Variants in DHX37 observed in about 807,000 individuals in gnomAD.
The protein encoded by DHX37 is probable ATP-dependent RNA helicase DHX37.
Under a neutral mutation model 134.3 loss-of-function variants are expected in DHX37, and 52 were observed. That is an observed-to-expected ratio of 0.39 (90% confidence interval 0.31 to 0.49). The LOEUF (loss-of-function observed/expected upper bound fraction) is 0.49. DHX37 is among the 20% of genes least tolerant of loss of function. The pLI is 0.93. For synonymous variants in DHX37, 634 were observed against 670.7 expected, an observed-to-expected ratio of 0.95 and a Z score of 0.85; for missense variants, 1,344 against 1,580.8, an observed-to-expected ratio of 0.85 and a Z score of 2.54.
intron 15 of DHX37, among the ~76,000 whole-genome samples, chr12:124,961,264 A>ACATACACGCGTTCACGCACACACACACT (rs529082353): frequency 8.0e-6 from 1 of 125,128 alleles, no homozygotes; most frequent in Admixed American, 7.2e-5. Flanking sequence ...ACGCACACAC[A>ACATACACGCGTTCACGCACACACACACT]TACACGCGTG....
chr12:124,959,022 G>C (rs1054403308), intron 16 of DHX37, among the ~76,000 whole-genome samples: 4 of 134,610 alleles, frequency 3.0e-5, no homozygotes, highest in Non-Finnish European at 4.5e-5. Context: ...TGATTCTCCT[G>C]CCTCAGCCTC....
Position 124,964,630 on chromosome 12 carries a change from G to C in DHX37, c.1813-4C>G. The C allele has an allele frequency of 6.2e-7, 1 of 1,606,586 alleles. No homozygotes were observed. The highest frequency in any genetic ancestry group is 8.5e-7 in the Non-Finnish European group (1 of 1,178,384). Reference sequence around the variant, plus strand: ...CCTCCGGTGGAGGCTTAAAGACCTAGGATTCGGGGAAGGGATGGCAGGAAA... The same window carrying C: ...CCTCCGGTGGAGGCTTAAAGACCTACGATTCGGGGAAGGGATGGCAGGAAA... On this transcript the variant is annotated splice_region_variant and splice_polypyrimidine_tract_variant and intron_variant, in intron 14 of 26. Transcript: ENST00000308736.
Position 124,953,977 on chromosome 12 carries a change from C to G in DHX37, c.2598G>C (p.Glu866Asp), listed in dbSNP as rs4258464. 1 of 1,612,628 alleles carries G rather than the reference C, an allele frequency of 6.2e-7. No individual in the cohort carries two copies. The highest frequency in any genetic ancestry group is 2.2e-5 in the East Asian group (1 of 44,812). ...MVLLGAVGAC[E>D]YASCTPQFCE... The stretch of plus-strand genomic sequence containing the variant: ...AAAACTGGGGTGTGCAGCTGGCATA[C>G]TCACAGGCTCCCACGGCGCCTGGGG... The change falls in exon 20 of 27, where the codon GAG becomes GAC. Residue 866 changes from glutamate to aspartate, a missense_variant. By Grantham distance (45) the Glu-to-Asp change is conservative. Around this residue, in one of 7 missense-constraint regions of DHX37, gnomAD observed 558 missense variants for 650.0 expected, o/e 0.86. Transcript: ENST00000308736.
intron 2 of DHX37, among the ~76,000 whole-genome samples, chr12:124,985,149 G>A (rs1178893611): frequency 6.6e-6 from 1 of 152,178 alleles, no homozygotes; most frequent in African/African-American, 2.4e-5. Flanking sequence ...GGCCTCCTAA[G>A]CTGGGAAGGA....
chr12:124,986,019 C>A (rs1954864378), intron 2 of DHX37, 77 bp downstream of exon 2: 3 of 1,565,470 alleles, frequency 1.9e-6, no homozygotes, highest in South Asian at 2.3e-5. Flanking sequence ...CACAGAGACA[C>A]CCTCAGGAGG....
chr12:124,951,094 T>G (rs1447489484), intron 21 of DHX37, among the ~76,000 whole-genome samples: 1 of 152,002 alleles, frequency 6.6e-6, no homozygotes, highest in Non-Finnish European at 1.5e-5. Context: ...GGTTTCACCA[T>G]GTTGGTGAAA....
At chr12:124,950,296 G>C (rs1484463558) in intron 23 of DHX37, 53 bp from the exon 24 acceptor site, 20 of 1,609,190 alleles carry the variant, frequency 1.2e-5, no homozygotes, top group Non-Finnish European at 1.7e-5. Flanking sequence ...GCCCTCCCGA[G>C]TCCCATCCCT....
rs948686118 is a variant in DHX37, at chr12:124,949,248, G to A, written c.3290+738C>T. 1.3e-5 allele frequency among the ~76,000 whole-genome samples: 2 copies of A among 152,180 alleles called. No individual in the cohort carries two copies. The highest frequency in any genetic ancestry group is 2.9e-5 in the Non-Finnish European group (2 of 68,030). ...ACACGGCTCCTGACAGCCCAGCAGC[G>A]GGTGCTGTGCCCCACGCCCCATCTC... On this transcript the variant is annotated intron_variant, in intron 25 of 26. Coordinates refer to ENST00000308736, the MANE Select transcript of DHX37 (RefSeq NM_032656.4). The surrounding 1 kb of genome is among the most constrained non-coding windows in gnomAD (Gnocchi z 4.0).
intron 3 of DHX37, among the ~76,000 whole-genome samples, chr12:124,981,847 G>T (rs746120936): frequency 2.0e-5 from 3 of 151,932 alleles, no homozygotes; most frequent in African/African-American, 7.2e-5. Flanking sequence ...AAACCAGTCG[G>T]GCGCGGTGGC....
rs374116868 is a variant in DHX37, at chr12:124,976,057, G to A, written c.888-546C>T. Among the ~76,000 whole-genome samples the A allele has an allele frequency of 3.2e-4, 49 of 152,314 alleles. 1 individual carries two copies. Among genetic ancestry groups the A allele is most frequent in the South Asian group, 1.4e-3 (7 of 4,830 alleles). On this transcript the variant is annotated intron_variant, in intron 5 of 26. Coordinates refer to ENST00000308736, the MANE Select transcript of DHX37 (RefSeq NM_032656.4). ...TTTCCTTTTAGGCGTCTAGGATTTC[G>A]TTCCTGCCAGGCAGGGTGGGCTTAG...
intron 15 of DHX37, among the ~76,000 whole-genome samples, 198 bp downstream of exon 15, chr12:124,964,195 CA>C (rs397692928): frequency 3.8e-3 from 219 of 57,460 alleles, no homozygotes; most frequent in Middle Eastern, 0.023. Flanking sequence ...AACTCCATCT[CA>C]AAAAAAAAAA....
intron 16 of DHX37, among the ~76,000 whole-genome samples, chr12:124,958,556 G>C (rs1178168705): frequency 6.6e-6 from 1 of 152,136 alleles, no homozygotes; most frequent in Admixed American, 6.5e-5. Flanking sequence ...CTCCCTCCTA[G>C]AGTGGCTGGG....
rs4765007 is a variant in DHX37, at chr12:124,960,429, T to C, written c.2046-6A>G. The C allele has an allele frequency of 0.47, 756,863 of 1,613,002 alleles. 182,269 individuals carry two copies. Among genetic ancestry groups the C allele is most frequent in the East Asian group, 0.8 (35,854 of 44,846 alleles). ...AAACCGCAGATGAATACAGCCTGGA[T>C]GGAGAGAAACCGGGACAACAAACAC... On this transcript the variant is annotated splice_region_variant and splice_polypyrimidine_tract_variant and intron_variant, in intron 15 of 26. Transcript: ENST00000308736.
rs1954541066 is a variant in DHX37 at position 124,972,434 on chromosome 12, A to C, written c.1077+69T>G. On this transcript the variant is annotated intron_variant, in intron 7 of 26. Coordinates refer to ENST00000308736, the MANE Select transcript of DHX37 (RefSeq NM_032656.4). The stretch of plus-strand genomic sequence containing the variant: ...GTGGCTTGCCGGCTGCTCATATCCC[A>C]GGTGACATCCTAGCATCCCGCCCCC... 3 of 1,539,528 alleles carry C rather than the reference A, an allele frequency of 1.9e-6. No individual in the cohort carries two copies. In the Admixed American group the frequency reaches 5.0e-5, roughly 26 times the overall value.
intron 18 of DHX37, among the ~76,000 whole-genome samples, chr12:124,955,606 C>T (rs1427836602): frequency 1.3e-5 from 2 of 152,222 alleles, no homozygotes; most frequent in East Asian, 3.8e-4. Flanking sequence ...CCACCATGCC[C>T]GGCTAAAGCT....
chr12:124,986,289 C>T, intron 1 of DHX37, 24 bp from the exon 2 acceptor site: 1 of 1,609,646 alleles, frequency 6.2e-7, no homozygotes, highest in South Asian at 1.1e-5. Context: ...GTTATTAAGT[C>T]CCCATTCTCC....
intron 10 of DHX37, among the ~76,000 whole-genome samples, chr12:124,968,138 C>G (rs973510749): frequency 1.2e-4 from 18 of 151,836 alleles, no homozygotes; most frequent in Non-Finnish European, 1.5e-4. Context: ...AAGGTCACAT[C>G]CATTTCAGTA....
chr12:124,952,631 A>G, intron 20 of DHX37, 61 bp from the exon 21 acceptor site: 1 of 1,474,654 alleles, frequency 6.8e-7, no homozygotes, highest in South Asian at 1.4e-5. Flanking sequence ...CTCTGCCCTG[A>G]CCTCCTAGAA....
intron 15 of DHX37, among the ~76,000 whole-genome samples, chr12:124,961,162 TTACA>T (rs1954233908): frequency 6.8e-6 from 1 of 146,164 alleles, no homozygotes; most frequent in Non-Finnish European, 1.5e-5. Flanking sequence ...GCACACACAC[TTACA>T]TACACGCGCG....
Sources: gnomAD v4.1 joint callset for allele counts (sites outside exome capture counted in the v4.1 genomes callset) on GRCh38, gnomAD v4.1.1 for gene constraint, gnomAD v4.1.1 regional missense constraint, Gnocchi (gnomAD v3.1) non-coding constraint, MANE v1.5 for transcripts, NCBI Gene and HGNC (gene_info 2026-07-23, HGNC 2026-07-21) for gene names.